The following SMARCD3 variants were observed in gnomAD, a reference collection of about 807,000 sequenced individuals.
SMARCD3 encodes SWI/SNF-related matrix-associated actin-dependent regulator of chromatin subfamily D member 3.
In SMARCD3, 14 loss-of-function variants were observed where a neutral mutation model predicts 58.0. That is an observed-to-expected ratio of 0.24 (90% CI 0.16 to 0.38). The LOEUF is 0.38. SMARCD3 is among the 10% of genes least tolerant of loss of function. SMARCD3 has a pLI of 1.00. For synonymous variants in SMARCD3, 253 were observed against 253.8 expected, an observed-to-expected ratio of 1.00 and a Z score of 0.03; for missense variants, 408 against 636.9, an observed-to-expected ratio of 0.64 and a Z score of 3.87.
chr7:151,272,789 A>G (rs183830090), intron 2 of SMARCD3, among the ~76,000 whole-genome samples: 3 of 152,288 alleles, frequency 2.0e-5, no homozygotes, highest in Non-Finnish European at 4.4e-5. Flanking sequence ...GGACACAGCA[A>G]TGGTCCCTAC....
intron 2 of SMARCD3, among the ~76,000 whole-genome samples, chr7:151,259,601 G>GTTTTTTTT (rs112223142): frequency 0.032 from 2,248 of 70,378 alleles, 376 homozygotes; most frequent in African/African-American, 0.075. Flanking sequence ...CAACCTGAGA[G>GTTTTTTTT]TTTTTTTTTT....
intron 2 of SMARCD3, among the ~76,000 whole-genome samples, chr7:151,264,872 T>C (rs1300320300): frequency 6.6e-6 from 1 of 152,190 alleles, no homozygotes; most frequent in African/African-American, 2.4e-5. Context: ...GAGGCTGCCC[T>C]GTGGCTCTTC....
intron 2 of SMARCD3, among the ~76,000 whole-genome samples, chr7:151,265,475 C>T (rs1015155918): frequency 7.9e-5 from 12 of 152,342 alleles, no homozygotes; most frequent in Admixed American, 4.6e-4. Flanking sequence ...GCCAGGTCTG[C>T]GGTCCTTTGT....
Position 151,239,071 on chromosome 7 carries a change from A to G in SMARCD3, c.*32T>C. The G allele has an allele frequency of 6.2e-7, 1 of 1,612,100 alleles. No individual in the cohort carries two copies. The highest frequency in any genetic ancestry group is 8.5e-7 in the Non-Finnish European group (1 of 1,178,180). On this transcript the variant is annotated 3_prime_UTR_variant, in exon 13 of 13. Coordinates refer to ENST00000262188, the MANE Select transcript of SMARCD3 (RefSeq NM_001003801.2). The surrounding 1 kb of genome is among the most constrained non-coding windows in gnomAD (Gnocchi z 7.0). Reference sequence around the variant, plus strand: ...AATGCTGGGGCCCGGGACACGGCTGAAAGTTCCGTCGTGCTGCTTATTTTT... The same window carrying G: ...AATGCTGGGGCCCGGGACACGGCTGGAAGTTCCGTCGTGCTGCTTATTTTT...
intron 2 of SMARCD3, among the ~76,000 whole-genome samples, chr7:151,255,359 C>T (rs1344766209): frequency 5.9e-5 from 9 of 152,200 alleles, no homozygotes; most frequent in African/African-American, 1.4e-4. Context: ...AGCAGTGGCT[C>T]GACCACTGGC....
chr7:151,243,863 G>A lies in SMARCD3; in HGVS notation c.291-162C>T, dbSNP rs891040751. Among the ~76,000 whole-genome samples the A allele has an allele frequency of 6.6e-6, 1 of 152,190 alleles. No homozygotes were observed. Among genetic ancestry groups the A allele is most frequent in the Non-Finnish European group, 1.5e-5 (1 of 68,036 alleles). ...GCTGTGACGGTGGTGTGTGGAACCGGTGCTCTGTCCTCTCTCAGGACACAG... is the reference window on the plus strand; with the variant it reads ...GCTGTGACGGTGGTGTGTGGAACCGATGCTCTGTCCTCTCTCAGGACACAG... On this transcript the variant is annotated intron_variant, in intron 2 of 12. Transcript: ENST00000262188. This position sits in a 1 kb window ranked among gnomAD's most constrained non-coding sequence, Gnocchi z 4.4.
rs1166716075 is a variant in SMARCD3 at position 151,246,766 on chromosome 7, G to C, written c.79-1095C>G. 6.6e-6 allele frequency among the ~76,000 whole-genome samples: 1 copy of C among 152,124 alleles called. No homozygotes were observed. Among genetic ancestry groups the C allele is most frequent in the Non-Finnish European group, 1.5e-5 (1 of 68,002 alleles). The stretch of plus-strand genomic sequence containing the variant: ...AAGTGTTCCAAACCCCACTTGTCCA[G>C]ACTCCAGAAGGGAGATGGGGAGGGC... On this transcript the variant is annotated intron_variant, in intron 1 of 12. Coordinates refer to ENST00000262188, the MANE Select transcript of SMARCD3 (RefSeq NM_001003801.2). The surrounding 1 kb of genome is among the most constrained non-coding windows in gnomAD (Gnocchi z 4.4).
At chr7:151,244,741 T>TATAG (rs1350390581) in intron 2 of SMARCD3, among the ~76,000 whole-genome samples, 1 of 152,220 alleles carries the variant, frequency 6.6e-6, no homozygotes, top group Non-Finnish European at 1.5e-5. Context: ...AAATTGATAT[T>TATAG]ACACCTTTTA....
At chr7:151,258,271 A>G (rs2150606410) in intron 2 of SMARCD3, among the ~76,000 whole-genome samples, 1 of 152,150 alleles carries the variant, frequency 6.6e-6, no homozygotes, top group East Asian at 1.9e-4. Flanking sequence ...GTTCTTTAAA[A>G]AGGGAGTCAG....
In SMARCD3 at chr7:151,245,473, C is replaced by T; in HGVS notation, c.277G>A (p.Ala93Thr). 3 of 1,219,704 alleles carry T rather than the reference C, an allele frequency of 2.5e-6. No homozygotes were observed. Among genetic ancestry groups the T allele is most frequent in the South Asian group, 8.3e-5 (2 of 24,176 alleles). The allele number at this position is 1,219,704 out of a possible 1,614,324, so 75.6% of individuals were successfully genotyped here. ...CCTCCCACTCACCTGCGGCTCCGCG[C>T]GGGGGCGGTGGGCACCGGCTGGCCC... Reference protein sequence around the residue: ...SQGQPVPTAPARSRSAKRRKM... With the variant: ...SQGQPVPTAPTRSRSAKRRKM... The change falls in exon 2 of 13, where the codon GCG becomes ACG. Residue 93 changes from alanine (A) to threonine (T), a missense_variant. Ala to Thr is a moderately conservative substitution (Grantham distance 58). This residue lies in a region of SMARCD3 where 128 missense variants were observed against 188.8 expected (regional missense o/e 0.68). Coordinates refer to ENST00000262188, the MANE Select transcript of SMARCD3 (RefSeq NM_001003801.2). The surrounding 1 kb of genome is among the most constrained non-coding windows in gnomAD (Gnocchi z 6.2).
Position 151,241,680 on chromosome 7 carries a change from G to T in SMARCD3, c.778-27C>A. ...TGGGAAAAGGGGACTGTGAAAGTTA[G>T]ACCAAAGGGAGAGAAAGGAAGGAGC... On this transcript the variant is annotated intron_variant, in intron 7 of 12. Transcript: ENST00000262188. This position sits in a 1 kb window ranked among gnomAD's most constrained non-coding sequence, Gnocchi z 5.3. 6.3e-7 allele frequency: 1 copy of T among 1,599,518 alleles called. No homozygotes were observed. The highest frequency in any genetic ancestry group is 8.5e-7 in the Non-Finnish European group (1 of 1,171,642).
intron 2 of SMARCD3, among the ~76,000 whole-genome samples, chr7:151,244,992 C>T (rs1803184463): frequency 2.0e-5 from 3 of 152,206 alleles, no homozygotes; most frequent in Non-Finnish European, 4.4e-5. Flanking sequence ...CAAGCTCCAC[C>T]CCCATGGTCA....
exon 2 of SMARCD3, chr7:151,275,230 C>T: frequency 8.3e-7 from 1 of 1,200,586 alleles, no homozygotes; most frequent in Non-Finnish European, 1.2e-6. Flanking sequence ...GCGCCTGCAG[C>T]ACCAAGGGCC....
rs1294923114 is a variant in SMARCD3 at position 151,241,015 on chromosome 7, T to C, written c.939+477A>G. ...CTGTATTTATTTTTAAATGCATTAA[T>C]AAGAATATTCTCTGTTTTGGTGGAA... On this transcript the variant is annotated intron_variant, in intron 8 of 12. Transcript: ENST00000262188. This position sits in a 1 kb window ranked among gnomAD's most constrained non-coding sequence, Gnocchi z 5.3. The C allele has an allele frequency of 8.3e-6, 2 of 241,448 alleles. No homozygotes were observed. Among genetic ancestry groups the C allele is most frequent in the Non-Finnish European group, 1.6e-5 (2 of 122,318 alleles). The allele number at this position is 241,448 out of a possible 1,614,324, so 15.0% of individuals were successfully genotyped here.
chr7:151,259,610 T>TTTTG (rs1318625333), intron 2 of SMARCD3, among the ~76,000 whole-genome samples: 1,604 of 118,140 alleles, frequency 0.014, 94 homozygotes, highest in African/African-American at 0.059. Flanking sequence ...AGTTTTTTTT[T>TTTTG]TTTTTTTTTT....
intron 2 of SMARCD3, among the ~76,000 whole-genome samples, chr7:151,273,621 G>A (rs1795245921): frequency 6.6e-6 from 1 of 152,250 alleles, no homozygotes; most frequent in African/African-American, 2.4e-5. Flanking sequence ...CCAGTCCCCA[G>A]TTCACCTCAG....
At chr7:151,251,801 G>A (rs572335662), upstream of SMARCD3, among the ~76,000 whole-genome samples, 1 of 151,434 alleles carries the variant, frequency 6.6e-6, no homozygotes, top group African/African-American at 2.4e-5. Context: ...GCACCAAATG[G>A]CAAAGCGCCG....
At chr7:151,240,307 G>A in intron 9 of SMARCD3, 60 bp from the exon 10 acceptor site, 1 of 1,611,824 alleles carries the variant, frequency 6.2e-7, no homozygotes, top group Non-Finnish European at 8.5e-7. Context: ...CAGGGCCCCG[G>A]GGCTGGGGCA....
In SMARCD3 at chr7:151,242,704, C is replaced by A. The variant is rs114025575; in HGVS notation, c.456+17G>T. The A allele has an allele frequency of 6.2e-7, 1 of 1,614,020 alleles. No homozygotes were observed. The highest frequency in any genetic ancestry group is 2.2e-5 in the East Asian group (1 of 44,876). On this transcript the variant is annotated intron_variant, in intron 4 of 12. Coordinates refer to ENST00000262188, the MANE Select transcript of SMARCD3 (RefSeq NM_001003801.2). This position sits in a 1 kb window ranked among gnomAD's most constrained non-coding sequence, Gnocchi z 4.7. ...ACACAACTCTAGAGTCCCCTTCCTACCCCCGAACTAAGGCACCTTCATGGG... is the reference window on the plus strand; with the variant it reads ...ACACAACTCTAGAGTCCCCTTCCTAACCCCGAACTAAGGCACCTTCATGGG...
Sources: gnomAD v4.1 joint callset for allele counts (sites outside exome capture counted in the v4.1 genomes callset) on GRCh38, gnomAD v4.1.1 for gene constraint, gnomAD v4.1.1 regional missense constraint, Gnocchi (gnomAD v3.1) non-coding constraint, MANE v1.5 for transcripts, NCBI Gene and HGNC (gene_info 2026-07-23, HGNC 2026-07-21) for gene names.